PRKAR1A: variants seen among roughly 807,000 people sequenced by gnomAD.
PRKAR1A encodes the protein cAMP-dependent protein kinase type I-alpha regulatory subunit.
Under a neutral mutation model 52.0 loss-of-function variants are expected in PRKAR1A, and 3 were observed. The observed-to-expected ratio is 0.06, with a 90% CI of 0.03 to 0.15. PRKAR1A has a LOEUF of 0.15. Among genes scored for constraint, PRKAR1A ranks in the 10% least tolerant of loss-of-function variants. The pLI is 1.00. For missense variants in PRKAR1A, 240 were observed against 477.4 expected, an observed-to-expected ratio of 0.50 and a Z score of 4.63; for synonymous variants, 188 against 168.4, an observed-to-expected ratio of 1.12 and a Z score of -0.90.
chr17:68,486,495 T>C, the PRKAR1A span, among the ~76,000 whole-genome samples: 11 of 47,544 alleles, frequency 2.3e-4, no homozygotes, highest in Non-Finnish European at 4.8e-4. Flanking sequence ...CCTTCCTTCC[T>C]TCCTTCCTTC....
Position 68,518,312 on chromosome 17 carries a change from C to T in PRKAR1A, c.177+2736C>T, listed in dbSNP as rs144991863. Reference sequence around the variant, plus strand: ...TCCAAACGACCCCACATTTCCCTTCCGCACTGCCCTAGCAGAGGTTCTCCA... The same window carrying T: ...TCCAAACGACCCCACATTTCCCTTCTGCACTGCCCTAGCAGAGGTTCTCCA... On this transcript the variant is annotated intron_variant, in intron 2 of 10. Coordinates refer to ENST00000589228, the MANE Select transcript of PRKAR1A (RefSeq NM_002734.5). Among the ~76,000 whole-genome samples, 830 of 152,330 alleles carry T rather than the reference C, an allele frequency of 5.4e-3. 6 individuals carry two copies. The highest frequency in any genetic ancestry group is 0.019 in the African/African-American group (777 of 41,578).
In PRKAR1A at chr17:68,532,516, T is replaced by C. The variant is rs886053318; in HGVS notation, c.*2067T>C. On this transcript the variant is annotated 3_prime_UTR_variant, in exon 11 of 11. Transcript: ENST00000589228. ...GCTTTATCTTTGTGTAATCTAAGTA[T>C]ATGTGAGAAATCAGAATTGGCATAA... 1.3e-5 allele frequency: 14 copies of C among 1,062,820 alleles called. No individual in the cohort carries two copies. In the South Asian group the frequency reaches 2.7e-4, roughly 21 times the overall value. The allele number at this position is 1,062,820 out of a possible 1,614,324, so 65.8% of individuals were successfully genotyped here. A position where few individuals can be genotyped will look rare whatever the true frequency, so the allele number is the denominator to read the frequency against.
chr17:68,428,552 AC>A, the PRKAR1A span: 1 of 286,364 alleles, frequency 3.5e-6, no homozygotes, highest in Non-Finnish European at 6.7e-6. Context: ...ATTTTTGAAC[AC>A]CCACTGTGAG....
chr17:68,440,270 G>A, the PRKAR1A span, among the ~76,000 whole-genome samples: 1 of 152,178 alleles, frequency 6.6e-6, no homozygotes, highest in Admixed American at 6.5e-5. Flanking sequence ...TGGCCCAAGT[G>A]TCAGAAAAAT....
At chr17:68,426,254 G>GGGGGGGGGGGC in the PRKAR1A span, 3 of 816,924 alleles carry the variant, frequency 3.7e-6, 1 homozygote, top group South Asian at 2.7e-5. Context: ...GGGAGCGGGG[G>GGGGGGGGGGGC]CTCAAATAAA....
the PRKAR1A span, among the ~76,000 whole-genome samples, chr17:68,447,303 A>C: frequency 6.6e-6 from 1 of 152,240 alleles, no homozygotes; most frequent in East Asian, 1.9e-4. Flanking sequence ...ATATTTCCTC[A>C]GTTCAATACA....
chr17:68,515,567 G>T lies in PRKAR1A; in HGVS notation c.168G>T (p.Arg56Ser). 1 of 1,612,238 alleles carries T rather than the reference G, an allele frequency of 6.2e-7. No homozygotes were observed. ...CATTCCTCAGGGAATACTTTGAGAG[G>T]TTGGAGAAGGTAAAAATAAATGTGG... is the stretch of plus-strand genomic sequence containing the variant. ...PMAFLREYFE[R>S]LEKEEAKQIQ... Residue 56 changes from arginine to serine, a missense_variant, in exon 2 of 11, where the codon AGG (arginine) becomes AGT (serine). By Grantham distance (110) the Arg-to-Ser change is moderately radical. Around this residue, in one of 4 missense-constraint regions of PRKAR1A, gnomAD observed 107 missense variants for 114.6 expected, o/e 0.93. Transcript: ENST00000589228.
the PRKAR1A span, chr17:68,426,250 G>GGGGGGGA: frequency 1.2e-6 from 1 of 828,058 alleles, no homozygotes; most frequent in Non-Finnish European, 1.9e-6. Flanking sequence ...GGTGGGGAGC[G>GGGGGGGA]GGGGCTCAAA....
the PRKAR1A span, among the ~76,000 whole-genome samples, chr17:68,500,674 C>T: frequency 2.6e-5 from 4 of 152,016 alleles, no homozygotes; most frequent in Admixed American, 6.6e-5. Context: ...CCACCACGCC[C>T]GGCTAATTTT....
the PRKAR1A span, among the ~76,000 whole-genome samples, chr17:68,467,711 C>G: frequency 6.6e-6 from 1 of 152,170 alleles, no homozygotes; most frequent in Non-Finnish European, 1.5e-5. Flanking sequence ...GAAGCAGATC[C>G]CAGGCTTTCC....
the PRKAR1A span, chr17:68,414,200 C>T: frequency 1.3e-5 from 2 of 152,108 alleles, no homozygotes; most frequent in South Asian, 2.1e-4. Flanking sequence ...CCTTGTATGC[C>T]GATTTTGCTG....
At chr17:68,449,392 G>T in the PRKAR1A span, among the ~76,000 whole-genome samples, 1 of 152,186 alleles carries the variant, frequency 6.6e-6, no homozygotes, top group Non-Finnish European at 1.5e-5. Context: ...CACTCTGCGA[G>T]GCCAAGGAGG....
chr17:68,522,144 G>A (rs1555813015), intron 2 of PRKAR1A, among the ~76,000 whole-genome samples: 2 of 152,120 alleles, frequency 1.3e-5, no homozygotes, highest in Non-Finnish European at 2.9e-5. Flanking sequence ...TTCATTATTT[G>A]TTTTTATCTG....
chr17:68,522,949 G>C (rs373954801), intron 3 of PRKAR1A, 23 bp downstream of exon 3: 1 of 1,611,430 alleles, frequency 6.2e-7, no homozygotes. Context: ...TTTGAATATC[G>C]GGGGGATGCT....
At chr17:68,414,999 T>C in the PRKAR1A span, among the ~76,000 whole-genome samples, 1 of 152,222 alleles carries the variant, frequency 6.6e-6, no homozygotes, top group South Asian at 2.1e-4. Flanking sequence ...GTTTCATTTA[T>C]CTTTTTTATT....
chr17:68,420,427 TC>T, the PRKAR1A span: 1 of 1,614,156 alleles, frequency 6.2e-7, no homozygotes, highest in Non-Finnish European at 8.5e-7. Context: ...CCTGCTGTAA[TC>T]CCTACCAAAT....
At chr17:68,497,092 G>T in the PRKAR1A span, among the ~76,000 whole-genome samples, 4 of 152,214 alleles carry the variant, frequency 2.6e-5, no homozygotes, top group South Asian at 4.2e-4. Flanking sequence ...CCAAATTTCT[G>T]GGATTACAGG....
the PRKAR1A span, among the ~76,000 whole-genome samples, chr17:68,491,285 T>C: frequency 2.0e-5 from 3 of 152,044 alleles, no homozygotes; most frequent in Non-Finnish European, 4.4e-5. Flanking sequence ...AGAGATGGGA[T>C]TTCACCAAGT....
At chr17:68,424,372 T>C in the PRKAR1A span, 4 of 518,174 alleles carry the variant, frequency 7.7e-6, no homozygotes, top group Admixed American at 4.1e-5. Context: ...AGCTTTGTTT[T>C]CTAAGCCAAA....
Sources: allele counts gnomAD v4.1 joint callset (sites outside exome capture counted in the v4.1 genomes callset), GRCh38; gene constraint gnomAD v4.1.1; regional missense constraint gnomAD v4.1.1; transcripts MANE v1.5; gene names NCBI Gene and HGNC (gene_info 2026-07-23, HGNC 2026-07-21).